The following ATP6V1H variants were observed in gnomAD, a reference collection of about 807,000 sequenced individuals.
ATP6V1H encodes the protein V-type proton ATPase subunit H.
ATP6V1H carries 39 observed loss-of-function variants against 71.7 expected under a neutral mutation model. The ratio of observed to expected loss-of-function variants is 0.54; its 90% CI spans 0.42 to 0.71. The LOEUF is 0.71. ATP6V1H is among the 30% of genes least tolerant of loss of function. The probability of loss-of-function intolerance (pLI) is 0.00; values close to 1 mark genes in which losing one functional copy is unlikely to be tolerated. For missense variants in ATP6V1H, 509 were observed against 594.9 expected, an observed-to-expected ratio of 0.86 and a Z score of 1.50; for synonymous variants, 192 against 199.3, an observed-to-expected ratio of 0.96 and a Z score of 0.31.
chr8:53,841,673 G>A lies in ATP6V1H; in HGVS notation c.18C>T (p.Ile6=). Residue 6 remains isoleucine (I), a synonymous_variant, in exon 2 of 14, where the codon ATC becomes ATT. Coordinates refer to ENST00000359530, the MANE Select transcript of ATP6V1H (RefSeq NM_015941.4). ...GGACAGCAGCATCCACAGCACCTCG[G>A]ATATCCATTTTGGTCATCTAAACTT... is the stretch of plus-strand genomic sequence containing the variant. The part of the protein sequence containing the change: MTKMD[I]RGAVDAAVPT... 1 of 1,613,750 alleles carries A rather than the reference G, an allele frequency of 6.2e-7. No individual in the cohort carries two copies. Among genetic ancestry groups the A allele is most frequent in the Non-Finnish European group, 8.5e-7 (1 of 1,179,782 alleles).
Position 53,742,317 on chromosome 8 carries a change from CCT to C in ATP6V1H, c.1391+1258_1391+1259del, listed in dbSNP as rs557208355. On this transcript the variant is annotated intron_variant, in intron 13 of 13. Coordinates refer to ENST00000359530, the MANE Select transcript of ATP6V1H (RefSeq NM_015941.4). ...ACTAGGTGCCAGTAGCACCTCCACC[CCT>C]GAGTGTCACAACCACATAATTCCCT... 4.8e-3 allele frequency among the ~76,000 whole-genome samples: 733 copies of C among 152,304 alleles called. 7 individuals carry two copies. The highest frequency in any genetic ancestry group is 6.0e-3 in the Non-Finnish European group (408 of 68,020).
intron 10 of ATP6V1H, among the ~76,000 whole-genome samples, chr8:53,771,031 C>A (rs1563458394): frequency 1.3e-5 from 2 of 152,208 alleles, no homozygotes; most frequent in African/African-American, 4.8e-5. Flanking sequence ...CTTGGGATTA[C>A]GGCTGTACTG....
At chr8:53,842,661 G>A (rs1811380952) in intron 1 of ATP6V1H, 1 of 152,266 alleles carries the variant, frequency 6.6e-6, no homozygotes, top group South Asian at 2.1e-4. Flanking sequence ...TGCAGCCAAG[G>A]AGGCTCAGCC....
chr8:53,802,290 AAAG>A (rs1386606861), intron 7 of ATP6V1H, among the ~76,000 whole-genome samples: 13 of 152,258 alleles, frequency 8.5e-5, no homozygotes, highest in African/African-American at 2.4e-4. Flanking sequence ...AAATTAACAA[AAAG>A]AAGAGTAAAT....
chr8:53,780,797 A>T (rs1476174797), intron 9 of ATP6V1H, among the ~76,000 whole-genome samples: 1 of 151,638 alleles, frequency 6.6e-6, no homozygotes, highest in Non-Finnish European at 1.5e-5. Flanking sequence ...AGTGTTTGGT[A>T]TTTTGTCCTT....
At chr8:53,778,206 A>C (rs1808963321) in intron 9 of ATP6V1H, among the ~76,000 whole-genome samples, 1 of 152,222 alleles carries the variant, frequency 6.6e-6, no homozygotes, top group Non-Finnish European at 1.5e-5. Context: ...AAAATTTATT[A>C]ATATATAACA....
In ATP6V1H at chr8:53,734,809, C is replaced by T. The variant is rs144860552; in HGVS notation, c.1391+8768G>A. Among the ~76,000 whole-genome samples, 49 of 152,214 alleles carry T rather than the reference C, an allele frequency of 3.2e-4. No homozygotes were observed. The East Asian group carries it at 9.1e-3, about 28-fold the overall frequency. On this transcript the variant is annotated intron_variant, in intron 13 of 13. Transcript: ENST00000359530. ...CACAGCCCTCCTTCTCCCTCAAGCA[C>T]CTGACCTTGTACCTACTTATTCTAA... is the stretch of plus-strand genomic sequence containing the variant.
rs540576978 is a variant in ATP6V1H, at chr8:53,780,681, TC to T, written c.871-8515del. Among the ~76,000 whole-genome samples, 1,048 of 152,230 alleles carry T rather than the reference TC, an allele frequency of 6.9e-3. 15 individuals are homozygous for T. The highest frequency in any genetic ancestry group is 0.023 in the African/African-American group (972 of 41,530). On this transcript the variant is annotated intron_variant, in intron 9 of 13. Coordinates refer to ENST00000359530, the MANE Select transcript of ATP6V1H (RefSeq NM_015941.4). ...GCATTAGGTATATCTCCTAATGGTATCCCTCCCCCATCCCCCACTCCACAAC... is the reference window on the plus strand; with the variant it reads ...GCATTAGGTATATCTCCTAATGGTATCCTCCCCCATCCCCCACTCCACAAC...
chr8:53,807,909 AG>A (rs1490372212), intron 7 of ATP6V1H, among the ~76,000 whole-genome samples: 1 of 152,246 alleles, frequency 6.6e-6, no homozygotes, highest in Admixed American at 6.5e-5. Flanking sequence ...ACATATGGTT[AG>A]GGGCTGCCAC....
At chr8:53,820,339 C>A (rs1452016298) in intron 4 of ATP6V1H, among the ~76,000 whole-genome samples, 2 of 147,240 alleles carry the variant, frequency 1.4e-5, no homozygotes, top group African/African-American at 2.5e-5. Flanking sequence ...GATTGGGTGG[C>A]AAAAAGAAAA....
At chr8:53,746,624 C>T (rs902003958) in intron 12 of ATP6V1H, among the ~76,000 whole-genome samples, 1 of 152,162 alleles carries the variant, frequency 6.6e-6, no homozygotes, top group African/African-American at 2.4e-5. Flanking sequence ...CACCCCAGAG[C>T]CCAGTGGGTC....
At chr8:53,718,247 A>G (rs886550029) in intron 13 of ATP6V1H, among the ~76,000 whole-genome samples, 1 of 152,254 alleles carries the variant, frequency 6.6e-6, no homozygotes, top group Non-Finnish European at 1.5e-5. Flanking sequence ...GTAGGACAGT[A>G]AAACCTAGCA....
chr8:53,814,875 C>A (rs1467504175), intron 5 of ATP6V1H, 109 bp from the exon 6 acceptor site: 10 of 623,800 alleles, frequency 1.6e-5, no homozygotes, highest in Non-Finnish European at 2.8e-5. Context: ...TCTTAACACT[C>A]AACCCCTCTA....
intron 13 of ATP6V1H, among the ~76,000 whole-genome samples, chr8:53,718,666 G>A (rs1000237092): frequency 6.6e-6 from 1 of 152,174 alleles, no homozygotes; most frequent in Non-Finnish European, 1.5e-5. Flanking sequence ...TGGGGTTACA[G>A]GCGTGAGCCA....
intron 8 of ATP6V1H, among the ~76,000 whole-genome samples, chr8:53,797,543 A>G (rs1371180322): frequency 6.6e-6 from 1 of 152,164 alleles, no homozygotes; most frequent in Non-Finnish European, 1.5e-5. Context: ...TCAAATGTCT[A>G]AATTTCAGCT....
chr8:53,781,523 G>A (rs1809132863), intron 9 of ATP6V1H, among the ~76,000 whole-genome samples: 1 of 152,178 alleles, frequency 6.6e-6, no homozygotes, highest in African/African-American at 2.4e-5. Flanking sequence ...TTCTTTTGCT[G>A]TGCAGAAGTT....
chr8:53,740,090 T>C (rs1249849269), intron 13 of ATP6V1H, among the ~76,000 whole-genome samples: 1 of 152,248 alleles, frequency 6.6e-6, no homozygotes, highest in African/African-American at 2.4e-5. Context: ...TTTCCCATTA[T>C]ATAACTCCAT....
intron 9 of ATP6V1H, among the ~76,000 whole-genome samples, chr8:53,773,991 A>G (rs1464539088): frequency 6.6e-6 from 1 of 152,172 alleles, no homozygotes; most frequent in Non-Finnish European, 1.5e-5. Context: ...AAGATAAAAG[A>G]TTTTTTTAAC....
chr8:53,718,091 C>A (rs1173429383), intron 13 of ATP6V1H, among the ~76,000 whole-genome samples: 2 of 152,090 alleles, frequency 1.3e-5, no homozygotes, highest in Non-Finnish European at 2.9e-5. Flanking sequence ...CGTCTGGTCA[C>A]AGACAGGCTC....
Sources: gnomAD v4.1 joint callset for allele counts (sites outside exome capture counted in the v4.1 genomes callset) on GRCh38, gnomAD v4.1.1 for gene constraint, MANE v1.5 for transcripts, NCBI Gene and HGNC (gene_info 2026-07-23, HGNC 2026-07-21) for gene names.